EYA1: variants seen among roughly 807,000 people sequenced by gnomAD.
EYA1 encodes EYA transcriptional coactivator and phosphatase 1.
A neutral mutation model predicts 82.0 loss-of-function variants in EYA1; 16 were observed. The observed-to-expected ratio is 0.20, with a 90% confidence interval of 0.13 to 0.30. The LOEUF is 0.30. EYA1 is among the 10% of genes least tolerant of loss of function. The pLI is 1.00. For missense variants in EYA1, 633 were observed against 730.7 expected, an observed-to-expected ratio of 0.87 and a Z score of 1.54; for synonymous variants, 261 against 264.4, an observed-to-expected ratio of 0.99 and a Z score of 0.12.
chr8:71,448,376 A>G (rs568746344), intron 2 of EYA1, among the ~76,000 whole-genome samples: 4 of 152,134 alleles, frequency 2.6e-5, no homozygotes, highest in Non-Finnish European at 5.9e-5. Flanking sequence ...GCAACTCCTC[A>G]TCTGTTCAAA....
At chr8:71,454,875 C>T (rs995868268) in intron 2 of EYA1, among the ~76,000 whole-genome samples, 1 of 152,074 alleles carries the variant, frequency 6.6e-6, no homozygotes, top group Admixed American at 6.5e-5. Flanking sequence ...GAAGCAAGAG[C>T]AAACACATTC....
At chr8:71,525,820 C>G (rs556137765) in intron 2 of EYA1, among the ~76,000 whole-genome samples, 148 of 152,300 alleles carry the variant, frequency 9.7e-4, no homozygotes, top group African/African-American at 3.3e-3. Flanking sequence ...AAAGCTGCCA[C>G]ACTAGCAGGC....
Position 71,215,501 on chromosome 8 carries a change from A to T in EYA1, c.1483T>A (p.Cys495Ser), listed in dbSNP as rs1563630587. The change falls in exon 16 of 18, where the codon TGT becomes AGT. Residue 495 changes from cysteine (C) to serine (S), a missense_variant. Cys to Ser is a moderately radical substitution (Grantham distance 112, BLOSUM62 -1). Coordinates refer to ENST00000340726, the MANE Select transcript of EYA1 (RefSeq NM_000503.6). ...GTAGTTGTTACTAAAATATTCACAC[A>T]GTTTGTCCTATGAGAACAAAAAGAA... ...ALSLIHSRTN[C>S]VNILVTTTQL... 1 of 1,613,774 alleles carries T rather than the reference A, an allele frequency of 6.2e-7. No homozygotes were observed. Among genetic ancestry groups the T allele is most frequent in the African/African-American group, 1.3e-5 (1 of 75,056 alleles).
chr8:71,228,891 C>T (rs1398905986), intron 12 of EYA1, among the ~76,000 whole-genome samples: 1 of 152,146 alleles, frequency 6.6e-6, no homozygotes, highest in Non-Finnish European at 1.5e-5. Context: ...TCCAACCCAC[C>T]CTGGGCAGCA....
At position 71,494,639 on chromosome 8, in the gene EYA1, A is replaced by C. The variant is rs1290877102; in HGVS notation, c.33+41105T>G. On this transcript the variant is annotated intron_variant, in intron 2 of 18. Coordinates refer to the EYA1 transcript ENST00000643681. The stretch of plus-strand genomic sequence containing the variant: ...ATAATTTGCTCGGTTTCAAAAGTGC[A>C]AGAAAAATGCTGCACATTTGAAATC... 5.3e-5 allele frequency among the ~76,000 whole-genome samples: 8 copies of C among 152,180 alleles called. No homozygotes were observed. The East Asian group carries it at 1.5e-3, about 29-fold the overall frequency.
chr8:71,285,864 A>G (rs1041150486), intron 9 of EYA1, among the ~76,000 whole-genome samples: 8 of 152,168 alleles, frequency 5.3e-5, no homozygotes, highest in Non-Finnish European at 2.9e-5. Flanking sequence ...ACAACCTTTT[A>G]ATTCTTAATT....
At chr8:71,439,952 G>A (rs1410891078) in intron 2 of EYA1, among the ~76,000 whole-genome samples, 7 of 152,138 alleles carry the variant, frequency 4.6e-5, no homozygotes, top group Admixed American at 1.3e-4. Flanking sequence ...CTCAATAGGT[G>A]TTAGCTATTA....
At chr8:71,463,511 A>G (rs1482678758) in intron 2 of EYA1, among the ~76,000 whole-genome samples, 5 of 151,376 alleles carry the variant, frequency 3.3e-5, no homozygotes, top group Admixed American at 3.3e-4. Context: ...CTAATTTTCT[A>G]TGTCTGATAC....
chr8:71,218,442 C>T (rs527787129), intron 12 of EYA1, among the ~76,000 whole-genome samples: 33 of 152,212 alleles, frequency 2.2e-4, no homozygotes, highest in Admixed American at 1.1e-3. Flanking sequence ...GAATTAAAAT[C>T]GTGACCCCCA....
At chr8:71,359,159 T>C (rs1439034366) in intron 1 of EYA1, among the ~76,000 whole-genome samples, 1 of 152,196 alleles carries the variant, frequency 6.6e-6, no homozygotes, top group Non-Finnish European at 1.5e-5. Context: ...GCAGAACTTC[T>C]TAGAATTCAA....
intron 12 of EYA1, among the ~76,000 whole-genome samples, chr8:71,228,335 T>C (rs1810799981): frequency 6.6e-6 from 1 of 152,146 alleles, no homozygotes; most frequent in African/African-American, 2.4e-5. Flanking sequence ...TTAAGCTCCA[T>C]TGCCTTGGTG....
chr8:71,298,041 T>C (rs1443646876), intron 9 of EYA1, among the ~76,000 whole-genome samples: 1 of 152,208 alleles, frequency 6.6e-6, no homozygotes, highest in East Asian at 1.9e-4. Context: ...ATGAAAAATT[T>C]TGAAGACTTT....
chr8:71,275,171 G>A (rs1349208000), intron 9 of EYA1, among the ~76,000 whole-genome samples: 6 of 152,174 alleles, frequency 3.9e-5, no homozygotes, highest in Admixed American at 3.3e-4. Flanking sequence ...CAGTGATCCA[G>A]GTGAGGGATG....
chr8:71,424,800 G>A (rs1175242475), intron 2 of EYA1, among the ~76,000 whole-genome samples: 2 of 151,958 alleles, frequency 1.3e-5, no homozygotes, highest in East Asian at 3.9e-4. Flanking sequence ...GTTTCCTATA[G>A]TCTACTGGGT....
At chr8:71,399,523 T>G (rs1586635068) in intron 2 of EYA1, among the ~76,000 whole-genome samples, 1 of 152,160 alleles carries the variant, frequency 6.6e-6, no homozygotes, top group African/African-American at 2.4e-5. Flanking sequence ...AGCCAAATCA[T>G]GAATGAACTC....
chr8:71,222,348 G>A (rs182726817), intron 12 of EYA1, among the ~76,000 whole-genome samples: 219 of 152,328 alleles, frequency 1.4e-3, no homozygotes, highest in Admixed American at 2.2e-3. Flanking sequence ...AGGCAAAGTT[G>A]CGATTATCCT....
intron 2 of EYA1, among the ~76,000 whole-genome samples, chr8:71,452,118 T>C (rs1312976630): frequency 6.6e-6 from 1 of 152,198 alleles, no homozygotes; most frequent in East Asian, 1.9e-4. Flanking sequence ...CACCAGGAGA[T>C]TATATCCCAC....
Position 71,197,701 on chromosome 8 carries a change from A to AACTT in EYA1, c.*1635_*1638dup, listed in dbSNP as rs1404108212. The stretch of plus-strand genomic sequence containing the variant: ...ATGACTATTTCTAGCAGCAACACAC[A>AACTT]ACTTCAGAAAAGAATGAAGTAGCTC... On this transcript the variant is annotated 3_prime_UTR_variant, in exon 18 of 18. Coordinates refer to ENST00000340726, the MANE Select transcript of EYA1 (RefSeq NM_000503.6). 1 of 152,666 alleles carries AACTT rather than the reference A, an allele frequency of 6.6e-6. No individual in the cohort carries two copies. Among genetic ancestry groups the AACTT allele is most frequent in the African/African-American group, 2.4e-5 (1 of 41,470 alleles). The allele number at this position is 152,666 out of a possible 1,614,324, so 9.5% of individuals were successfully genotyped here.
At chr8:71,220,530 T>C (rs1419555529) in intron 12 of EYA1, among the ~76,000 whole-genome samples, 3 of 152,162 alleles carry the variant, frequency 2.0e-5, no homozygotes, top group Non-Finnish European at 2.9e-5. Flanking sequence ...CTTAGAAAGG[T>C]GGTCATTCAT....
Sources: allele counts gnomAD v4.1 joint callset (sites outside exome capture counted in the v4.1 genomes callset), GRCh38; gene constraint gnomAD v4.1.1; transcripts MANE v1.5; gene names NCBI Gene and HGNC (gene_info 2026-07-23, HGNC 2026-07-21).